The following KCTD20 variants were observed in gnomAD, a reference collection of about 807,000 sequenced individuals.
KCTD20 encodes potassium channel tetramerization domain containing 20.
A neutral mutation model predicts 39.6 loss-of-function variants in KCTD20; 30 were observed. The ratio of observed to expected loss-of-function variants is 0.76; its 90% CI spans 0.57 to 1.03. KCTD20 has a LOEUF of 1.03. Ranked by LOEUF, KCTD20 falls within the 50% of genes least tolerant of loss-of-function variation. The pLI, the probability that KCTD20 is intolerant of heterozygous loss-of-function variation, is 0.00. For missense variants in KCTD20, 422 were observed against 522.0 expected, an observed-to-expected ratio of 0.81 and a Z score of 1.87; for synonymous variants, 162 against 180.6, an observed-to-expected ratio of 0.90 and a Z score of 0.83.
intron 1 of KCTD20, among the ~76,000 whole-genome samples, chr6:36,456,199 G>C (rs1775427804): frequency 6.6e-6 from 1 of 152,172 alleles, no homozygotes; most frequent in South Asian, 2.1e-4. Flanking sequence ...GCTCACACCT[G>C]TAATCCCAGC....
chr6:36,468,013 G>C (rs549939497), intron 1 of KCTD20, among the ~76,000 whole-genome samples: 1 of 152,252 alleles, frequency 6.6e-6, no homozygotes, highest in African/African-American at 2.4e-5. Flanking sequence ...ATTCATCCAA[G>C]CAAGTAATGA....
intron 1 of KCTD20, among the ~76,000 whole-genome samples, chr6:36,449,248 C>T (rs1029243203): frequency 1.3e-5 from 2 of 152,152 alleles, no homozygotes; most frequent in African/African-American, 4.8e-5. Context: ...TAGCTAGACA[C>T]AGAGCGCTGA....
At chr6:36,485,089 G>T (rs1312550671) in intron 7 of KCTD20, among the ~76,000 whole-genome samples, 1 of 152,226 alleles carries the variant, frequency 6.6e-6, no homozygotes, top group Non-Finnish European at 1.5e-5. Flanking sequence ...GTGGTAGGGA[G>T]ATACAGCAGG....
chr6:36,475,406 A>G (rs1582355427), intron 3 of KCTD20, among the ~76,000 whole-genome samples: 1 of 151,528 alleles, frequency 6.6e-6, no homozygotes, highest in Admixed American at 6.6e-5. Context: ...CCGAGACTGC[A>G]CCATTGCACT....
Position 36,471,464 on chromosome 6 carries a change from A to G in KCTD20, c.160+1207A>G, listed in dbSNP as rs76402083. 1.2e-3 allele frequency among the ~76,000 whole-genome samples: 180 copies of G among 152,302 alleles called. 2 individuals carry two copies. The East Asian group carries it at 0.028, about 24-fold the overall frequency. On this transcript the variant is annotated intron_variant, in intron 2 of 7. Coordinates refer to ENST00000373731, the MANE Select transcript of KCTD20 (RefSeq NM_173562.5). ...AGTGGCAGAGACTGACCACAAGCCT[A>G]AAATATTTACTTTGTAGCGCTTTAT...
At chr6:36,476,664 G>A (rs985446249) in intron 3 of KCTD20, among the ~76,000 whole-genome samples, 24 of 152,094 alleles carry the variant, frequency 1.6e-4, no homozygotes, top group Admixed American at 1.3e-4. Context: ...TCCTGACCTC[G>A]TGATCCGCCC....
At position 36,487,119 on chromosome 6, in the gene KCTD20, C is replaced by T. The variant is rs752124286; in HGVS notation, c.1204C>T (p.Leu402Phe). ...LMHHPPQVDE[L>F]DRLNAPLSQM... ...GCATCACCCACCCCAAGTGGATGAA[C>T]TTGACCGGCTAAATGCCCCACTTTC... Residue 402 changes from leucine (L) to phenylalanine (F), a missense_variant, in exon 8 of 8, where the codon CTT (leucine) becomes TTT (phenylalanine). Coordinates refer to ENST00000373731, the MANE Select transcript of KCTD20 (RefSeq NM_173562.5). The T allele has an allele frequency of 9.3e-6, 15 of 1,614,060 alleles. No individual in the cohort carries two copies. Among genetic ancestry groups the T allele is most frequent in the South Asian group, 2.2e-5 (2 of 91,092 alleles).
intron 6 of KCTD20, 98 bp from the exon 7 acceptor site, chr6:36,484,616 G>A (rs1776361398): frequency 3.3e-6 from 2 of 602,306 alleles, no homozygotes; most frequent in Admixed American, 2.6e-5. Context: ...TTTGGGATTA[G>A]GAGTCAAGTA....
At chr6:36,444,850 A>G (rs760103050) in intron 1 of KCTD20, among the ~76,000 whole-genome samples, 8 of 152,162 alleles carry the variant, frequency 5.3e-5, no homozygotes, top group Non-Finnish European at 1.0e-4. Context: ...TTCATCCACA[A>G]TTTGTTCCTT....
intron 1 of KCTD20, among the ~76,000 whole-genome samples, chr6:36,455,957 C>G (rs2127433603): frequency 6.6e-6 from 1 of 152,290 alleles, no homozygotes; most frequent in East Asian, 1.9e-4. Flanking sequence ...GGACTGTAGC[C>G]TAGCCAAGTT....
At chr6:36,445,750 C>T (rs1403206992) in intron 1 of KCTD20, among the ~76,000 whole-genome samples, 1 of 152,158 alleles carries the variant, frequency 6.6e-6, no homozygotes, top group Non-Finnish European at 1.5e-5. Flanking sequence ...GCCCAGTGTT[C>T]TTCCCACCAA....
intron 5 of KCTD20, among the ~76,000 whole-genome samples, chr6:36,480,711 C>T (rs1776219080): frequency 6.6e-6 from 1 of 152,042 alleles, no homozygotes; most frequent in African/African-American, 2.4e-5. Flanking sequence ...TGCCACCATG[C>T]CCGGCTAATT....
chr6:36,466,807 G>C (rs1434592527), intron 1 of KCTD20, among the ~76,000 whole-genome samples: 1 of 152,086 alleles, frequency 6.6e-6, no homozygotes, highest in Non-Finnish European at 1.5e-5. Context: ...TGAATGAAGC[G>C]TCCATGCTGG....
intron 1 of KCTD20, among the ~76,000 whole-genome samples, chr6:36,454,988 TAC>T (rs1249186361): frequency 9.9e-5 from 15 of 152,108 alleles, no homozygotes; most frequent in Admixed American, 9.8e-4. Context: ...CCACCCATTC[TAC>T]AGTGTTACTT....
At chr6:36,449,246 C>T (rs1402989522) in intron 1 of KCTD20, among the ~76,000 whole-genome samples, 1 of 152,178 alleles carries the variant, frequency 6.6e-6, no homozygotes, top group Non-Finnish European at 1.5e-5. Flanking sequence ...TTTAGCTAGA[C>T]ACAGAGCGCT....
Position 36,474,858 on chromosome 6 carries a change from A to G in KCTD20, c.230A>G (p.Asp77Gly), listed in dbSNP as rs769606890. The change falls in exon 3 of 8, where the codon GAC becomes GGC. Residue 77 changes from aspartate (D) to glycine (G), a missense_variant. Physicochemically the swap from Asp to Gly is moderately conservative, Grantham distance 94. Coordinates refer to ENST00000373731, the MANE Select transcript of KCTD20 (RefSeq NM_173562.5). The part of the protein sequence containing the change: ...QFPHIMPLAE[D>G]IKGSCFQSGN... Reference sequence around the variant, plus strand: ...CCTCACATAATGCCCCTTGCTGAAGACATCAAAGGTTCTTGCTTCCAAAGT... The same window carrying G: ...CCTCACATAATGCCCCTTGCTGAAGGCATCAAAGGTTCTTGCTTCCAAAGT... 1 of 1,614,208 alleles carries G rather than the reference A, an allele frequency of 6.2e-7. No individual in the cohort carries two copies. The highest frequency in any genetic ancestry group is 1.7e-5 in the Admixed American group (1 of 60,028).
chr6:36,481,479 A>G, intron 5 of KCTD20, 83 bp from the exon 6 acceptor site: 2 of 988,928 alleles, frequency 2.0e-6, no homozygotes, highest in Non-Finnish European at 3.2e-6. Context: ...CAATGATAAC[A>G]GCCATTCCCT....
intron 1 of KCTD20, among the ~76,000 whole-genome samples, chr6:36,445,582 T>C (rs1187005010): frequency 3.3e-5 from 5 of 152,200 alleles, no homozygotes; most frequent in Non-Finnish European, 7.3e-5. Flanking sequence ...TTGAGGGGAA[T>C]TGTTAGAATA....
intron 1 of KCTD20, among the ~76,000 whole-genome samples, chr6:36,468,010 C>T (rs1474821884): frequency 6.6e-6 from 1 of 152,006 alleles, no homozygotes; most frequent in South Asian, 2.1e-4. Flanking sequence ...AGGATTCATC[C>T]AAGCAAGTAA....
Sources: allele counts gnomAD v4.1 joint callset (sites outside exome capture counted in the v4.1 genomes callset), GRCh38; gene constraint gnomAD v4.1.1; transcripts MANE v1.5; gene names NCBI Gene and HGNC (gene_info 2026-07-23, HGNC 2026-07-21).